Variants in TLE3 observed in about 807,000 individuals in gnomAD.
TLE3 encodes the protein TLE family member 3, transcriptional corepressor.
Under a neutral mutation model 93.0 loss-of-function variants are expected in TLE3, and 14 were observed. That is an observed-to-expected ratio of 0.15 (90% CI 0.10 to 0.24). The LOEUF (loss-of-function observed/expected upper bound fraction) is 0.24. Among genes scored for constraint, TLE3 ranks in the 10% least tolerant of loss-of-function variants. The pLI is 1.00. For synonymous variants in TLE3, 451 were observed against 425.0 expected, an observed-to-expected ratio of 1.06 and a Z score of -0.75; for missense variants, 693 against 1,046.6, an observed-to-expected ratio of 0.66 and a Z score of 4.66.
At chr15:70,074,294 A>C (rs917535992) in intron 6 of TLE3, among the ~76,000 whole-genome samples, 9 of 152,192 alleles carry the variant, frequency 5.9e-5, no homozygotes, top group Admixed American at 5.9e-4. Context: ...AGATGGCTGA[A>C]GAGGTGGATT....
At chr15:70,061,456 G>A (rs1567001637) in intron 8 of TLE3, among the ~76,000 whole-genome samples, 2 of 152,100 alleles carry the variant, frequency 1.3e-5, no homozygotes, top group African/African-American at 2.4e-5. Context: ...CAACTATAAA[G>A]CAAATGAGGA....
intron 7 of TLE3, 37 bp downstream of exon 7, chr15:70,065,977 C>CCGGCCCCCCCCCCCCCCG: frequency 7.5e-7 from 1 of 1,332,294 alleles, no homozygotes; most frequent in Non-Finnish European, 1.1e-6. Context: ...ATGCCCACCC[C>CCGGCCCCCCCCCCCCCCG]TGCCCCGCCC....
intron 4 of TLE3, among the ~76,000 whole-genome samples, chr15:70,082,016 CTTGAT>C (rs2057803454): frequency 6.6e-6 from 1 of 152,204 alleles, no homozygotes; most frequent in Admixed American, 6.5e-5. Context: ...TCTGCTTCAT[CTTGAT>C]TTAAATCCCA....
In TLE3 at chr15:70,097,392, G is replaced by A; in HGVS notation, c.-594C>T. On this transcript the variant is annotated 5_prime_UTR_variant, in exon 1 of 20. Coordinates refer to ENST00000451782, the MANE Select transcript of TLE3 (RefSeq NM_001105192.3). ...CGGAGGGTGAGGGCGGGAGCCCGGCGCGGGCGCTTCGACGCCCCCCCTCGG... is the reference window on the plus strand; with the variant it reads ...CGGAGGGTGAGGGCGGGAGCCCGGCACGGGCGCTTCGACGCCCCCCCTCGG... The A allele has an allele frequency of 1.5e-5, 6 of 408,764 alleles. No homozygotes were observed. The highest frequency in any genetic ancestry group is 4.3e-6 in the Non-Finnish European group (1 of 231,814). The allele number at this position is 408,764 out of a possible 1,614,324, so 25.3% of individuals were successfully genotyped here.
At chr15:70,074,459 T>C (rs1363811463) in intron 6 of TLE3, 74 bp downstream of exon 6, 3 of 1,532,190 alleles carry the variant, frequency 2.0e-6, no homozygotes, top group Non-Finnish European at 2.7e-6. Context: ...TCAGGGTCAA[T>C]CTCTGGTTAT....
At chr15:70,065,979 G>GCCCCC in intron 7 of TLE3, 35 bp downstream of exon 7, 10 of 1,089,098 alleles carry the variant, frequency 9.2e-6, no homozygotes, top group African/African-American at 1.6e-5. Flanking sequence ...GCCCACCCCT[G>GCCCCC]CCCCGCCCCA....
Position 70,056,346 on chromosome 15 carries a change from C to G in TLE3, c.1280G>C (p.Arg427Pro), listed in dbSNP as rs749649907. 5 of 1,613,556 alleles carry G rather than the reference C, an allele frequency of 3.1e-6. No homozygotes were observed. The highest frequency in any genetic ancestry group is 4.2e-6 in the Non-Finnish European group (5 of 1,179,842). The stretch of plus-strand genomic sequence containing the variant: ...CAGGCTTGAGGGGAGGCCTGTGGCC[C>G]GCATCGGGGGGTGAGGGTCAAAACC... ...AVGFDPHPPM[R>P]ATGLPSSLAS... Residue 427 changes from arginine to proline, a missense_variant, in exon 14 of 20, where the codon CGG becomes CCG. By Grantham distance (103) the Arg-to-Pro change is moderately radical. Transcript: ENST00000451782.
chr15:70,067,958 G>C (rs2056917630), intron 6 of TLE3, among the ~76,000 whole-genome samples: 1 of 152,192 alleles, frequency 6.6e-6, no homozygotes, highest in African/African-American at 2.4e-5. Context: ...GAGACACTAT[G>C]GCAGACACAA....
chr15:70,096,861 G>A lies in TLE3; in HGVS notation c.-63C>T, dbSNP rs2058592144. The A allele has an allele frequency of 4.4e-6, 7 of 1,579,336 alleles. No individual in the cohort carries two copies. Among genetic ancestry groups the A allele is most frequent in the African/African-American group, 2.7e-5 (2 of 73,614 alleles). On this transcript the variant is annotated 5_prime_UTR_variant, in exon 1 of 20. Transcript: ENST00000451782. ...CCGAGAGCCCGGGCCGGGGAGGTGC[G>A]GGGGAGGGGGGAGCCGAGCCCGAGC...
At chr15:70,068,068 C>A (rs2056926484) in intron 6 of TLE3, among the ~76,000 whole-genome samples, 1 of 152,240 alleles carries the variant, frequency 6.6e-6, no homozygotes, top group Non-Finnish European at 1.5e-5. Flanking sequence ...GGCGCTTACT[C>A]TGAGCTCCTC....
At chr15:70,077,709 T>C (rs535396020) in intron 4 of TLE3, among the ~76,000 whole-genome samples, 102 of 152,354 alleles carry the variant, frequency 6.7e-4, no homozygotes, top group Admixed American at 3.1e-3. Flanking sequence ...TGGGGGTTCC[T>C]GGCAGGGAGA....
chr15:70,057,083 GA>G (rs1357825806), intron 13 of TLE3, among the ~76,000 whole-genome samples: 4 of 152,198 alleles, frequency 2.6e-5, no homozygotes, highest in South Asian at 2.1e-4. Flanking sequence ...CACCACAATA[GA>G]AAGTCTTGTA....
chr15:70,061,028 G>A lies in TLE3; in HGVS notation c.595-379C>T, dbSNP rs138970216. Among the ~76,000 whole-genome samples the A allele has an allele frequency of 6.6e-5, 10 of 152,306 alleles. No homozygotes were observed. In the East Asian group the frequency reaches 1.9e-3, roughly 29 times the overall value. On this transcript the variant is annotated intron_variant, in intron 8 of 19. Coordinates refer to ENST00000451782, the MANE Select transcript of TLE3 (RefSeq NM_001105192.3). ...TGCCACACTCATTTGCTCAAAGGAG[G>A]GATAAGTGGAATTTGCACTGAGTCT...
At chr15:70,081,526 G>A (rs2057778542) in intron 4 of TLE3, among the ~76,000 whole-genome samples, 1 of 152,242 alleles carries the variant, frequency 6.6e-6, no homozygotes, top group Admixed American at 6.5e-5. Flanking sequence ...ACTTCTAAGT[G>A]TCAAGCCCCT....
chr15:70,095,602 C>A lies in TLE3; in HGVS notation c.165G>T (p.Thr55=), dbSNP rs766991545. ...CCATCACATAATGGCGCTGCATCTC[C>A]GTCTTCTCGTTTGCCAGCTTGTCGT... ...VEYDKLANEK[T]EMQRHYVMYY... Residue 55 remains threonine (T), a synonymous_variant, in exon 3 of 20, where the codon ACG becomes ACT. Transcript: ENST00000451782. The A allele has an allele frequency of 1.9e-6, 3 of 1,551,586 alleles. No homozygotes were observed. The highest frequency in any genetic ancestry group is 2.6e-6 in the Non-Finnish European group (3 of 1,146,904).
chr15:70,060,667 G>A lies in TLE3; in HGVS notation c.595-18C>T, dbSNP rs745513427. 6.2e-6 allele frequency: 10 copies of A among 1,612,848 alleles called. No individual in the cohort carries two copies. Among genetic ancestry groups the A allele is most frequent in the South Asian group, 1.1e-5 (1 of 91,070 alleles). ...GAGTTATTCTGGAAGGAAAAAGAGGGTTCGGGGTTAAAACTTTCTGCTGCG... is the reference window on the plus strand; with the variant it reads ...GAGTTATTCTGGAAGGAAAAAGAGGATTCGGGGTTAAAACTTTCTGCTGCG... On this transcript the variant is annotated intron_variant, in intron 8 of 19. Coordinates refer to ENST00000451782, the MANE Select transcript of TLE3 (RefSeq NM_001105192.3).
intron 6 of TLE3, among the ~76,000 whole-genome samples, chr15:70,069,898 G>A (rs976868350): frequency 1.3e-5 from 2 of 152,254 alleles, no homozygotes; most frequent in African/African-American, 2.4e-5. Context: ...CCTATCCCCT[G>A]CAACACGTCT....
chr15:70,068,436 C>T (rs2056950752), intron 6 of TLE3, among the ~76,000 whole-genome samples: 1 of 152,206 alleles, frequency 6.6e-6, no homozygotes, highest in East Asian at 1.9e-4. Flanking sequence ...TAAAATGAGT[C>T]TCCAGTAGGG....
At chr15:70,057,049 G>C (rs1262118244) in intron 13 of TLE3, among the ~76,000 whole-genome samples, 2 of 152,260 alleles carry the variant, frequency 1.3e-5, no homozygotes, top group South Asian at 2.1e-4. Context: ...CACTGCGCTC[G>C]ACCCCTAACT....
Sources: gnomAD v4.1 joint callset for allele counts (sites outside exome capture counted in the v4.1 genomes callset) on GRCh38, gnomAD v4.1.1 for gene constraint, MANE v1.5 for transcripts, NCBI Gene and HGNC (gene_info 2026-07-23, HGNC 2026-07-21) for gene names.